ATP8B1: variants seen among roughly 807,000 people sequenced by gnomAD.
ATP8B1 encodes the protein phospholipid-transporting ATPase IC.
ATP8B1 carries 80 observed loss-of-function variants against 149.9 expected under a neutral mutation model. The ratio of observed to expected loss-of-function variants is 0.53; its 90% CI spans 0.45 to 0.64. The LOEUF (loss-of-function observed/expected upper bound fraction) is 0.64, where lower values mean the gene tolerates loss of function less well. ATP8B1 is among the 30% of genes least tolerant of loss of function. ATP8B1 has a pLI of 0.00. For synonymous variants in ATP8B1, 536 were observed against 562.8 expected (o/e 0.95, Z 0.67); for missense variants, 1,247 against 1,552.6 (o/e 0.80, Z 3.31).
chr18:57,704,687 G>A lies in ATP8B1; in HGVS notation c.280-19C>T, dbSNP rs778220803. ...CATTATTCTGTTGGAAAAAATAAGA[G>A]TCATTCTAAATGATGCTGTATTTAT... On this transcript the variant is annotated intron_variant, in intron 3 of 27. Coordinates refer to ENST00000648908, the MANE Select transcript of ATP8B1 (RefSeq NM_001374385.1). 1 of 1,477,646 alleles carries A rather than the reference G, an allele frequency of 6.8e-7. No individual in the cohort carries two copies. The highest frequency in any genetic ancestry group is 9.5e-7 in the Non-Finnish European group (1 of 1,057,292). 91.5% of individuals were successfully genotyped at this position (1,477,646 alleles called of 1,614,324 possible).
intron 1 of ATP8B1, chr18:57,755,489 T>A (rs2080068006): frequency 6.6e-6 from 1 of 152,178 alleles, no homozygotes; most frequent in African/African-American, 2.4e-5. Context: ...TCATGAAGCA[T>A]TCCATTTGTA....
At position 57,672,888 on chromosome 18, in the gene ATP8B1, A is replaced by G. The variant is rs1467946842; in HGVS notation, c.1820-1308T>C. 9.4e-4 allele frequency among the ~76,000 whole-genome samples: 10 copies of G among 10,594 alleles called. 1 individual carries two copies. The Admixed American group carries it at 0.012, about 12-fold the overall frequency. The allele number at this position is 10,594 out of a possible 152,430, so 7.0% of individuals were successfully genotyped here. A position where few individuals can be genotyped will look rare whatever the true frequency, so the allele number is the denominator to read the frequency against. On this transcript the variant is annotated intron_variant, in intron 16 of 27. Transcript: ENST00000648908. ...TCTCAAAAAAAAAAAAAAAAAAAGT[A>G]TATATATATATATATATATATATAT...
chr18:57,764,756 T>TAAAAAAAAAAA (rs1568061359), intron 1 of ATP8B1, among the ~76,000 whole-genome samples: 2 of 66,440 alleles, frequency 3.0e-5, no homozygotes. Context: ...CTTTCAGTTG[T>TAAAAAAAAAAA]CAAAAAAAAA....
intron 2 of ATP8B1, among the ~76,000 whole-genome samples, chr18:57,730,855 A>T (rs901377066): frequency 1.0e-4 from 15 of 150,380 alleles, no homozygotes; most frequent in Non-Finnish European, 1.8e-4. Context: ...ACACACACAC[A>T]TACACAAGGA....
chr18:57,684,296 C>G (rs1912126341), intron 14 of ATP8B1, 104 bp from the exon 15 acceptor site: 1 of 1,245,736 alleles, frequency 8.0e-7, no homozygotes, highest in African/African-American at 1.5e-5. Flanking sequence ...TATGCAAAAA[C>G]CACCTTAGGA....
intron 16 of ATP8B1, among the ~76,000 whole-genome samples, chr18:57,674,241 C>CAAAAAAAAAA (rs745500180): frequency 1.2e-5 from 1 of 82,584 alleles, no homozygotes. Flanking sequence ...GACTCCATCT[C>CAAAAAAAAAA]AAAAAAAAAA....
intron 1 of ATP8B1, among the ~76,000 whole-genome samples, chr18:57,759,732 C>A (rs1374669172): frequency 6.6e-6 from 1 of 151,334 alleles, no homozygotes; most frequent in African/African-American, 2.4e-5. Context: ...GGCAGGAGAA[C>A]GGCATGAACC....
chr18:57,696,903 A>T (rs1441750261), intron 8 of ATP8B1, among the ~76,000 whole-genome samples: 1 of 152,218 alleles, frequency 6.6e-6, no homozygotes, highest in Non-Finnish European at 1.5e-5. Flanking sequence ...CTGGTCAAAA[A>T]CAGAACTTCA....
rs1425339940 is a variant in ATP8B1 at position 57,646,637 on chromosome 18, C to G, written c.*1851G>C. On this transcript the variant is annotated 3_prime_UTR_variant, in exon 28 of 28. Coordinates refer to ENST00000648908, the MANE Select transcript of ATP8B1 (RefSeq NM_001374385.1). ...CAATTTGCAAAAACAGGAGAGAAAT[C>G]TGAAACTAACAGAATTACACAAGCT... The G allele has an allele frequency of 2.0e-5, 3 of 152,452 alleles. No homozygotes were observed. The highest frequency in any genetic ancestry group is 4.4e-5 in the Non-Finnish European group (3 of 68,008). The allele number at this position is 152,452 out of a possible 1,614,324, so 9.4% of individuals were successfully genotyped here. A position where few individuals can be genotyped will look rare whatever the true frequency, so the allele number is the denominator to read the frequency against.
intron 13 of ATP8B1, among the ~76,000 whole-genome samples, chr18:57,687,115 C>G (rs930037241): frequency 6.6e-6 from 1 of 152,168 alleles, no homozygotes; most frequent in African/African-American, 2.4e-5. Flanking sequence ...AGGCATGAGA[C>G]ACTGCACCCA....
chr18:57,740,093 T>A (rs2079896932), intron 1 of ATP8B1, among the ~76,000 whole-genome samples: 1 of 152,100 alleles, frequency 6.6e-6, no homozygotes, highest in Non-Finnish European at 1.5e-5. Flanking sequence ...TTTGTTTTGT[T>A]TGTTTGTTTG....
chr18:57,697,032 G>A (rs538524998), intron 8 of ATP8B1, among the ~76,000 whole-genome samples: 17 of 152,210 alleles, frequency 1.1e-4, no homozygotes, highest in African/African-American at 3.1e-4. Flanking sequence ...AGGCCAAGGT[G>A]GGCAGATCAC....
rs1392359021 is a variant in ATP8B1 at position 57,648,023 on chromosome 18, G to A, written c.*465C>T. 3.6e-6 allele frequency: 1 copy of A among 278,770 alleles called. No individual in the cohort carries two copies. The highest frequency in any genetic ancestry group is 7.0e-6 in the Non-Finnish European group (1 of 142,366). The allele number at this position is 278,770 out of a possible 1,614,324, so 17.3% of individuals were successfully genotyped here. A position where few individuals can be genotyped will look rare whatever the true frequency, so the allele number is the denominator to read the frequency against. ...TTTTCTTAAGACAGAGTCTTGCTCTGTCACCCAGGCTGGAGTGCAGTGGCG... is the reference window on the plus strand; with the variant it reads ...TTTTCTTAAGACAGAGTCTTGCTCTATCACCCAGGCTGGAGTGCAGTGGCG... On this transcript the variant is annotated 3_prime_UTR_variant, in exon 28 of 28. Coordinates refer to ENST00000648908, the MANE Select transcript of ATP8B1 (RefSeq NM_001374385.1).
intron 1 of ATP8B1, among the ~76,000 whole-genome samples, chr18:57,797,517 T>A (rs764261017): frequency 6.6e-6 from 1 of 152,024 alleles, no homozygotes; most frequent in African/African-American, 2.4e-5. Flanking sequence ...CACCACAGCT[T>A]CCAGGCCCAT....
At chr18:57,795,193 T>C (rs1460890073) in intron 1 of ATP8B1, among the ~76,000 whole-genome samples, 1 of 151,186 alleles carries the variant, frequency 6.6e-6, no homozygotes, top group Non-Finnish European at 1.5e-5. Flanking sequence ...GCCCTGGAGT[T>C]CAGCCTGGGC....
intron 1 of ATP8B1, among the ~76,000 whole-genome samples, chr18:57,769,514 T>C (rs2080247591): frequency 6.6e-6 from 1 of 152,154 alleles, no homozygotes; most frequent in Admixed American, 6.5e-5. Flanking sequence ...TTGGAGGTGC[T>C]GGGGTAAAGC....
At chr18:57,648,882 G>GTATGTGTA (rs145039161) in intron 27 of ATP8B1, among the ~76,000 whole-genome samples, 170 bp from the exon 28 acceptor site, 34 of 134,740 alleles carry the variant, frequency 2.5e-4, no homozygotes, top group East Asian at 2.2e-3. Context: ...GTGTGTGTGT[G>GTATGTGTA]TGTGTATGTG....
chr18:57,696,896 G>A (rs960858677), intron 8 of ATP8B1, among the ~76,000 whole-genome samples: 8 of 152,158 alleles, frequency 5.3e-5, no homozygotes, highest in Non-Finnish European at 1.0e-4. Flanking sequence ...CAGAAAACTG[G>A]TCAAAAACAG....
At chr18:57,654,561 C>T (rs1247060308) in intron 23 of ATP8B1, among the ~76,000 whole-genome samples, 7 of 151,766 alleles carry the variant, frequency 4.6e-5, no homozygotes, top group South Asian at 2.1e-4. Flanking sequence ...TCAGGTGACC[C>T]GCCCACCTCG....
Sources: allele counts gnomAD v4.1 joint callset (sites outside exome capture counted in the v4.1 genomes callset), GRCh38; gene constraint gnomAD v4.1.1; transcripts MANE v1.5; gene names NCBI Gene and HGNC (gene_info 2026-07-23, HGNC 2026-07-21).